WNK1: variants seen among roughly 807,000 people sequenced by gnomAD.
WNK1 encodes WNK lysine deficient protein kinase 1.
In WNK1, 38 loss-of-function variants were observed where a neutral mutation model predicts 222.8. That is an observed-to-expected ratio of 0.17 (90% CI 0.13 to 0.22). WNK1 has a LOEUF of 0.22. WNK1 is among the 10% of genes least tolerant of loss of function. The pLI, the probability that WNK1 is intolerant of heterozygous loss-of-function variation, is 1.00. For missense variants in WNK1, 2,348 were observed against 2,918.4 expected (o/e 0.80, Z 4.50); for synonymous variants, 1,090 against 1,092.9 (o/e 1.00, Z 0.05).
chr12:794,363 TTC>T (rs564668664), intron 1 of WNK1, among the ~76,000 whole-genome samples: 49 of 152,336 alleles, frequency 3.2e-4, no homozygotes, highest in Middle Eastern at 6.8e-3. Flanking sequence ...CCATTTTACA[TTC>T]TCTACAGCAG....
At chr12:791,942 A>G (rs185788857) in intron 1 of WNK1, among the ~76,000 whole-genome samples, 1 of 152,236 alleles carries the variant, frequency 6.6e-6, no homozygotes, top group East Asian at 1.9e-4. Context: ...GCTTTATTCT[A>G]CCCAGGTCCT....
intron 1 of WNK1, among the ~76,000 whole-genome samples, chr12:771,037 G>A (rs796938382): frequency 7.9e-5 from 12 of 151,962 alleles, no homozygotes; most frequent in African/African-American, 1.9e-4. Flanking sequence ...GCTTTGTCTC[G>A]CCCAGGCTGG....
rs1257960876 is a variant in WNK1 at position 908,570 on chromosome 12, A to G, written c.6927A>G (p.Ser2309=). 6.2e-7 allele frequency: 1 copy of G among 1,614,132 alleles called. No individual in the cohort carries two copies. Among genetic ancestry groups the G allele is most frequent in the Admixed American group, 1.7e-5 (1 of 60,018 alleles). The change falls in exon 28 of 28, where the codon TCA becomes TCG. Residue 2309 remains serine (S), a synonymous_variant. Coordinates refer to ENST00000315939, the MANE Select transcript of WNK1 (RefSeq NM_018979.4). ...GCTCTGCCCCCATCTCTGCAGCATC[A>G]GCTACCTCTCTAGGTCACTTCACCA... ...LGGSAPISAA[S]ATSLGHFTKS...
intron 4 of WNK1, among the ~76,000 whole-genome samples, chr12:832,075 A>C (rs1948839327): frequency 6.6e-6 from 1 of 151,710 alleles, no homozygotes; most frequent in Non-Finnish European, 1.5e-5. Flanking sequence ...TTAATTTTTT[A>C]TTTATTTATT....
At chr12:823,366 T>G (rs192625638) in intron 2 of WNK1, among the ~76,000 whole-genome samples, 37 of 152,352 alleles carry the variant, frequency 2.4e-4, no homozygotes, top group Admixed American at 2.4e-3. Flanking sequence ...TTAAATATTC[T>G]TTCTGCTCTT....
intron 4 of WNK1, among the ~76,000 whole-genome samples, chr12:856,298 A>G (rs1950785604): frequency 6.6e-6 from 1 of 151,678 alleles, no homozygotes; most frequent in South Asian, 2.1e-4. Flanking sequence ...TACTAAAAAT[A>G]CAAAAATTAG....
chr12:789,228 A>G (rs1418523484), intron 1 of WNK1, among the ~76,000 whole-genome samples: 2 of 152,170 alleles, frequency 1.3e-5, no homozygotes, highest in African/African-American at 4.8e-5. Context: ...ATGATAAAGA[A>G]TCATACATTT....
At chr12:811,733 G>A (rs1946925609) in intron 1 of WNK1, among the ~76,000 whole-genome samples, 1 of 151,814 alleles carries the variant, frequency 6.6e-6, no homozygotes, top group Admixed American at 6.6e-5. Flanking sequence ...TTCAGTTATA[G>A]ATGGAACAAG....
rs1405806738 is a variant in WNK1, at chr12:909,953, G to C, written c.*1161G>C. On this transcript the variant is annotated 3_prime_UTR_variant, in exon 28 of 28. Transcript: ENST00000315939. Reference sequence around the variant, plus strand: ...GTTCTGTTTCGGGAATAGTGAGGAGGGGGTGTTGTAACAAAATTGGACAAC... The same window carrying C: ...GTTCTGTTTCGGGAATAGTGAGGAGCGGGTGTTGTAACAAAATTGGACAAC... 6.6e-6 allele frequency: 1 copy of C among 152,224 alleles called. No individual in the cohort carries two copies. The highest frequency in any genetic ancestry group is 2.4e-5 in the African/African-American group (1 of 41,454). The allele number at this position is 152,224 out of a possible 1,614,324, so 9.4% of individuals were successfully genotyped here.
At position 862,198 on chromosome 12, in the gene WNK1, A is replaced by G. The variant is rs1028629302; in HGVS notation, c.2067A>G (p.Thr689=). ...SQHEQAHSTG[T]VPGHIPSTVQ... is the part of the protein sequence containing the mutation. ...ATGAACAGGCACATTCTACAGGCAC[A>G]GTCCCAGGGCATATACCTTCTACTG... is the stretch of plus-strand genomic sequence containing the variant. Residue 689 remains threonine (T), a synonymous_variant, in exon 8 of 28, where the codon ACA becomes ACG. Coordinates refer to ENST00000315939, the MANE Select transcript of WNK1 (RefSeq NM_018979.4). 6.2e-7 allele frequency: 1 copy of G among 1,614,150 alleles called. No individual in the cohort carries two copies. The highest frequency in any genetic ancestry group is 8.5e-7 in the Non-Finnish European group (1 of 1,180,002).
chr12:812,382 A>G (rs943218787), intron 1 of WNK1, among the ~76,000 whole-genome samples: 1 of 152,198 alleles, frequency 6.6e-6, no homozygotes, highest in African/African-American at 2.4e-5. Flanking sequence ...ACAAGTCACT[A>G]TGCTAGGTTG....
At chr12:759,470 A>G (rs536390213) in intron 1 of WNK1, among the ~76,000 whole-genome samples, 1 of 147,120 alleles carries the variant, frequency 6.8e-6, no homozygotes, top group African/African-American at 2.4e-5. Context: ...AGCTGGGATT[A>G]CAGGCGAGCG....
Position 859,429 on chromosome 12 carries a change from G to C in WNK1, c.1585G>C (p.Glu529Gln). The C allele has an allele frequency of 6.2e-7, 1 of 1,612,498 alleles. No individual in the cohort carries two copies. Residue 529 changes from glutamate to glutamine, a missense_variant, in exon 6 of 28, where the codon GAG becomes CAG. Coordinates refer to ENST00000315939, the MANE Select transcript of WNK1 (RefSeq NM_018979.4). The stretch of plus-strand genomic sequence containing the variant: ...AGCTATTGAGTTTTCTTTTGATTTA[G>C]AGAGAGATGTCCCAGAAGATGTTGC... Reference protein sequence around the residue: ...NEAIEFSFDLERDVPEDVAQE... With the variant: ...NEAIEFSFDLQRDVPEDVAQE...
At chr12:844,455 A>C (rs1241842946) in intron 4 of WNK1, among the ~76,000 whole-genome samples, 2 of 152,316 alleles carry the variant, frequency 1.3e-5, no homozygotes, top group East Asian at 3.9e-4. Context: ...CTTTTTAAAA[A>C]GGAAAACCGG....
At chr12:835,179 C>T (rs572271360) in intron 4 of WNK1, among the ~76,000 whole-genome samples, 1 of 152,090 alleles carries the variant, frequency 6.6e-6, no homozygotes, top group Non-Finnish European at 1.5e-5. Context: ...ATTAGTTGGC[C>T]GTGGTGGTGC....
Position 859,632 on chromosome 12 carries a change from G to GT in WNK1, c.1620+182dup, listed in dbSNP as rs1555131615. 1.4e-3 allele frequency among the ~76,000 whole-genome samples: 173 copies of GT among 122,654 alleles called. 2 individuals carry two copies. Among genetic ancestry groups the GT allele is most frequent in the Non-Finnish European group, 2.3e-3 (132 of 56,620 alleles). The allele number at this position is 122,654 out of a possible 152,430, so 80.5% of individuals were successfully genotyped here. A position where few individuals can be genotyped will look rare whatever the true frequency, so the allele number is the denominator to read the frequency against. On this transcript the variant is annotated intron_variant, in intron 6 of 27. Transcript: ENST00000315939. ...ATTAGTGGGATTTTCGTGTGTGTGT[G>GT]TTTTTTTTTTTTTTAAACTTCTTTG...
intron 1 of WNK1, among the ~76,000 whole-genome samples, chr12:758,207 T>G (rs1940463141): frequency 6.8e-6 from 1 of 146,160 alleles, no homozygotes; most frequent in Non-Finnish European, 1.5e-5. Context: ...AATCATATTT[T>G]TGTTGAAGCT....
chr12:820,003 C>T (rs866405615), intron 2 of WNK1, among the ~76,000 whole-genome samples: 1 of 152,066 alleles, frequency 6.6e-6, no homozygotes, highest in Non-Finnish European at 1.5e-5. Flanking sequence ...GTGACTTCTC[C>T]AATTTTGTTC....
intron 20 of WNK1, among the ~76,000 whole-genome samples, chr12:888,297 A>G (rs758206262): frequency 3.9e-5 from 6 of 152,252 alleles, no homozygotes; most frequent in Non-Finnish European, 7.3e-5. Context: ...AAAGCACTCC[A>G]TCAGCCACCA....
Sources: gnomAD v4.1 joint callset for allele counts (sites outside exome capture counted in the v4.1 genomes callset) on GRCh38, gnomAD v4.1.1 for gene constraint, MANE v1.5 for transcripts, NCBI Gene and HGNC (gene_info 2026-07-23, HGNC 2026-07-21) for gene names.